TMEM132B: variants seen among roughly 807,000 people sequenced by gnomAD.
TMEM132B encodes the protein transmembrane protein 132B.
In TMEM132B, 18 loss-of-function variants were observed where a neutral mutation model predicts 90.8. That is an observed-to-expected ratio of 0.20 (90% CI 0.14 to 0.29). The LOEUF (loss-of-function observed/expected upper bound fraction) is 0.29. Ranked by LOEUF, TMEM132B falls within the 10% of genes least tolerant of loss-of-function variation. TMEM132B has a pLI of 1.00. For synonymous variants in TMEM132B, 504 were observed against 523.3 expected (o/e 0.96, Z 0.50); for missense variants, 1,096 against 1,326.8 (o/e 0.83, Z 2.70).
chr12:125,440,902 G>A (rs1027678659), intron 3 of TMEM132B, among the ~76,000 whole-genome samples: 1 of 152,188 alleles, frequency 6.6e-6, no homozygotes, highest in African/African-American at 2.4e-5. Context: ...TGTAGAAGGG[G>A]CTATGCTCTC....
At chr12:125,201,075 A>ATT (rs67062167) in intron 1 of TMEM132B, among the ~76,000 whole-genome samples, 3 of 151,422 alleles carry the variant, frequency 2.0e-5, no homozygotes, top group East Asian at 1.9e-4. Flanking sequence ...TATTTCTTTG[A>ATT]TTTTTTTTTC....
chr12:125,555,764 T>C (rs1380344732), intron 4 of TMEM132B, among the ~76,000 whole-genome samples: 1 of 152,004 alleles, frequency 6.6e-6, no homozygotes, highest in African/African-American at 2.4e-5. Context: ...TCACAGACCC[T>C]TACCCCAACT....
In TMEM132B at chr12:125,454,375, CGTGTGT is replaced by C. The variant is rs549820136; in HGVS notation, c.1106+38709_1106+38714del. On this transcript the variant is annotated intron_variant, in intron 3 of 8. Transcript: ENST00000682704. The stretch of plus-strand genomic sequence containing the variant: ...AAGGAAGTGCCTGCCTACAGCCAGC[CGTGTGT>C]GTGTGTGTGTTTGTGTGTGTGTGTG... Among the ~76,000 whole-genome samples, 3 of 119,856 alleles carry C rather than the reference CGTGTGT, an allele frequency of 2.5e-5. No homozygotes were observed. The South Asian group carries it at 7.2e-4, about 29-fold the overall frequency. The allele number at this position is 119,856 out of a possible 152,430, so 78.6% of individuals were successfully genotyped here.
At chr12:125,494,990 G>C (rs1882508020) in intron 3 of TMEM132B, among the ~76,000 whole-genome samples, 1 of 103,286 alleles carries the variant, frequency 9.7e-6, no homozygotes, top group African/African-American at 4.0e-5. Context: ...CCCTGGAAAT[G>C]GCTGTGTCCC....
chr12:125,334,008 A>G (rs545436455), intron 1 of TMEM132B, among the ~76,000 whole-genome samples: 3 of 152,252 alleles, frequency 2.0e-5, no homozygotes, highest in African/African-American at 7.2e-5. Flanking sequence ...TTCCAAAATC[A>G]GGGAAAAAAT....
chr12:125,294,815 A>G (rs1875625832), intron 1 of TMEM132B, among the ~76,000 whole-genome samples: 1 of 151,832 alleles, frequency 6.6e-6, no homozygotes, highest in African/African-American at 2.4e-5. Flanking sequence ...ATGCCATGGC[A>G]TATTAGGTAG....
At chr12:125,362,702 T>A (rs180761573) in intron 2 of TMEM132B, among the ~76,000 whole-genome samples, 1 of 152,232 alleles carries the variant, frequency 6.6e-6, no homozygotes, top group East Asian at 1.9e-4. Context: ...CCTCATAGAA[T>A]GGAAACCATG....
intron 2 of TMEM132B, among the ~76,000 whole-genome samples, chr12:125,390,773 G>A (rs1490244586): frequency 6.6e-6 from 1 of 151,786 alleles, no homozygotes; most frequent in African/African-American, 2.4e-5. Context: ...CCCCAGTCAA[G>A]CCTTCAGATG....
At chr12:125,231,543 C>T (rs531015033) in intron 1 of TMEM132B, among the ~76,000 whole-genome samples, 25 of 152,240 alleles carry the variant, frequency 1.6e-4, no homozygotes, top group African/African-American at 5.8e-4. Context: ...AATAATCTGG[C>T]ACATTTATAT....
At chr12:125,326,750 C>T in intron 1 of TMEM132B, 1 of 1,443,996 alleles carries the variant, frequency 6.9e-7, no homozygotes, top group South Asian at 1.3e-5. Flanking sequence ...TTTCCTATGT[C>T]CTATTCAGAT....
intron 1 of TMEM132B, among the ~76,000 whole-genome samples, chr12:125,346,611 C>T (rs995707934): frequency 1.3e-5 from 2 of 152,204 alleles, no homozygotes; most frequent in Non-Finnish European, 2.9e-5. Context: ...AGAGGTGCTT[C>T]TGCATTGCTC....
At chr12:125,560,200 G>T (rs1046398832) in intron 4 of TMEM132B, among the ~76,000 whole-genome samples, 1 of 152,168 alleles carries the variant, frequency 6.6e-6, no homozygotes, top group Non-Finnish European at 1.5e-5. Context: ...GCCAGGTGCT[G>T]ATTGCCTGCT....
intron 4 of TMEM132B, among the ~76,000 whole-genome samples, chr12:125,562,484 T>C (rs1884557654): frequency 6.6e-6 from 1 of 152,258 alleles, no homozygotes; most frequent in African/African-American, 2.4e-5. Context: ...GCCTCTCTGC[T>C]TTTGACATGC....
intron 2 of TMEM132B, among the ~76,000 whole-genome samples, chr12:125,411,155 A>AGGAGT (rs1167104363): frequency 6.8e-5 from 3 of 43,920 alleles, no homozygotes; most frequent in East Asian, 9.3e-4. Flanking sequence ...AGTGGAGTGG[A>AGGAGT]GGAGTGGAGT....
At position 125,505,181 on chromosome 12, in the gene TMEM132B, A is replaced by AC. The variant is rs1252173629; in HGVS notation, c.1107-14258_1107-14257insC. Among the ~76,000 whole-genome samples, 4 of 144,888 alleles carry AC rather than the reference A, an allele frequency of 2.8e-5. No homozygotes were observed. In the South Asian group the frequency reaches 9.1e-4, roughly 33 times the overall value. ...CACCAGAGGACAAAAAAAAAAAAAA[A>AC]AAAAAAAAAAAAAACAGTAAGTGGG... On this transcript the variant is annotated intron_variant, in intron 3 of 8. Transcript: ENST00000682704.
At chr12:125,566,376 A>G (rs748936215) in intron 4 of TMEM132B, among the ~76,000 whole-genome samples, 1 of 152,182 alleles carries the variant, frequency 6.6e-6, no homozygotes, top group Admixed American at 6.5e-5. Flanking sequence ...TAGATTTGTT[A>G]TGAGTATTGA....
chr12:125,270,853 A>C (rs1349543392), intron 1 of TMEM132B, among the ~76,000 whole-genome samples: 1 of 152,172 alleles, frequency 6.6e-6, no homozygotes, highest in African/African-American at 2.4e-5. Context: ...TTCTTACAGC[A>C]AGAGCCAGGG....
At chr12:125,305,482 A>G (rs928758310) in intron 1 of TMEM132B, among the ~76,000 whole-genome samples, 1 of 152,140 alleles carries the variant, frequency 6.6e-6, no homozygotes, top group Admixed American at 6.6e-5. Flanking sequence ...TGATCTAAGA[A>G]GTCCTGGCAT....
At chr12:125,562,828 G>C (rs577877895) in intron 4 of TMEM132B, among the ~76,000 whole-genome samples, 1 of 151,990 alleles carries the variant, frequency 6.6e-6, no homozygotes, top group Non-Finnish European at 1.5e-5. Flanking sequence ...CTTATGCCAC[G>C]GTGGTGAGGT....
Sources: gnomAD v4.1 joint callset for allele counts (sites outside exome capture counted in the v4.1 genomes callset) on GRCh38, gnomAD v4.1.1 for gene constraint, MANE v1.5 for transcripts, NCBI Gene and HGNC (gene_info 2026-07-23, HGNC 2026-07-21) for gene names.